The following ZNF124 variants were observed in gnomAD, a reference collection of about 807,000 sequenced individuals.
ZNF124 encodes the protein zinc finger protein HZF-16.
ZNF124 carries 25 observed loss-of-function variants against 26.6 expected under a neutral mutation model. The observed-to-expected ratio is 0.94, with a 90% CI of 0.68 to 1.31. The LOEUF is 1.31. ZNF124 is among the 40% of genes most tolerant of loss of function. The probability of loss-of-function intolerance (pLI) is 0.00; values close to 1 mark genes in which losing one functional copy is unlikely to be tolerated. For synonymous variants in ZNF124, 129 were observed against 133.3 expected (o/e 0.97, Z 0.22); for missense variants, 444 against 422.2 (o/e 1.05, Z -0.45).
chr1:247,123,152 G>A (rs1214630408), exon 4 of ZNF124: 2 of 151,932 alleles, frequency 1.3e-5, no homozygotes, highest in East Asian at 3.8e-4. Context: ...ATCATGGGCT[G>A]CTACCTCTTC....
At position 247,168,478 on chromosome 1, in the gene ZNF124, G is replaced by T. The variant is rs988917969; in HGVS notation, c.30+3370C>A. On this transcript the variant is annotated intron_variant, in intron 1 of 3. Transcript: ENST00000543802. This position sits in a 1 kb window ranked among gnomAD's most constrained non-coding sequence, Gnocchi z 4.0. ...AACCCAGGCGACGGAAGGTTGTAGT[G>T]AGCCAAGATCGTGCCACTGCACTAC... Among the ~76,000 whole-genome samples, 9 of 152,368 alleles carry T rather than the reference G, an allele frequency of 5.9e-5. No individual in the cohort carries two copies. The highest frequency in any genetic ancestry group is 2.2e-4 in the African/African-American group (9 of 41,594).
rs376996999 is a variant in ZNF124, at chr1:247,147,788, T to A, written c.218+11218A>T. The stretch of plus-strand genomic sequence containing the variant: ...AGACTGGAATAATCCCCTCCGGCAC[T>A]TAGGGGACAGGGAAGCACAAACACA... On this transcript the variant is annotated intron_variant, in intron 3 of 3. Coordinates refer to the ZNF124 transcript ENST00000472531. 9.9e-5 allele frequency among the ~76,000 whole-genome samples: 15 copies of A among 152,156 alleles called. No homozygotes were observed. The East Asian group carries it at 2.5e-3, about 25-fold the overall frequency.
rs56926662 is a variant in ZNF124 at position 247,137,487 on chromosome 1, CAA to C, written c.219-13618_219-13617del. 8.3e-3 allele frequency among the ~76,000 whole-genome samples: 678 copies of C among 81,572 alleles called. 3 individuals carry two copies. Among genetic ancestry groups the C allele is most frequent in the African/African-American group, 0.027 (607 of 22,582 alleles). The allele number at this position is 81,572 out of a possible 152,430, so 53.5% of individuals were successfully genotyped here. A position where few individuals can be genotyped will look rare whatever the true frequency, so the allele number is the denominator to read the frequency against. ...CGAAACCCTGTCTCTACTAAAAATA[CAA>C]AAAAAAAAAAAAAAAAAAAAAGAAA... On this transcript the variant is annotated intron_variant, in intron 3 of 3. Transcript: ENST00000472531.
chr1:247,146,365 T>A (rs186371596), intron 3 of ZNF124, among the ~76,000 whole-genome samples: 214 of 152,360 alleles, frequency 1.4e-3, no homozygotes, highest in African/African-American at 5.1e-3. Context: ...TAACAAGTAG[T>A]CTTTTGAGGT....
At chr1:247,172,215 G>A (rs1674117336), upstream of ZNF124, 1 of 147,872 alleles carries the variant, frequency 6.8e-6, no homozygotes, top group Non-Finnish European at 1.5e-5. Context: ...CTCTGGGTTG[G>A]GACCCAGCCT....
Position 247,140,309 on chromosome 1 carries a change from AGT to A in ZNF124, c.219-16440_219-16439del, listed in dbSNP as rs1309163644. Among the ~76,000 whole-genome samples the A allele has an allele frequency of 3.3e-5, 5 of 152,302 alleles. No individual in the cohort carries two copies. The East Asian group carries it at 9.6e-4, about 29-fold the overall frequency. On this transcript the variant is annotated intron_variant, in intron 3 of 3. Coordinates refer to the ZNF124 transcript ENST00000472531. ...TGTGACTGCATTATGAAATTCTTGT[AGT>A]GTGTTTTTCTGCTCTGTCAGAACCA...
chr1:247,160,148 G>A (rs574375814), intron 1 of ZNF124, among the ~76,000 whole-genome samples: 16 of 152,212 alleles, frequency 1.1e-4, no homozygotes, highest in South Asian at 1.0e-3. Context: ...ACCACGCCCA[G>A]CTAATTTTTG....
intron 1 of ZNF124, among the ~76,000 whole-genome samples, chr1:247,165,841 G>A (rs367663465): frequency 6.6e-6 from 1 of 152,042 alleles, no homozygotes; most frequent in Admixed American, 6.6e-5. Flanking sequence ...TTAAAACCAC[G>A]ATGAGATACC....
At chr1:247,154,117 G>GACAC (rs67344627), downstream of ZNF124, among the ~76,000 whole-genome samples, 6 of 149,480 alleles carry the variant, frequency 4.0e-5, no homozygotes, top group African/African-American at 1.5e-4. Context: ...GCATATGTGT[G>GACAC]ACACACACAC....
chr1:247,156,802 C>T lies in ZNF124; in HGVS notation c.820G>A (p.Ala274Thr), dbSNP rs139164874. The T allele has an allele frequency of 3.7e-4, 592 of 1,613,918 alleles. No homozygotes were observed. Among genetic ancestry groups the T allele is most frequent in the East Asian group, 1.1e-3 (48 of 44,862 alleles). Reference sequence around the variant, plus strand: ...TTCTCGTGTTTCTGAAGGGAACTGGCGTATCTGAAGGCTTTCCCACATTGC... The same window carrying T: ...TTCTCGTGTTTCTGAAGGGAACTGGTGTATCTGAAGGCTTTCCCACATTGC... ...CKQCGKAFRY[A>T]SSLQKHEKTH... Residue 274 changes from alanine (A) to threonine (T), a missense_variant, in exon 4 of 4, where the codon GCC becomes ACC. Transcript: ENST00000543802.
intron 1 of ZNF124, among the ~76,000 whole-genome samples, chr1:247,160,077 G>A (rs916459094): frequency 3.5e-5 from 5 of 142,304 alleles, no homozygotes; most frequent in East Asian, 2.1e-4. Flanking sequence ...TCTTCGCCTC[G>A]CAGGCTCAAG....
At chr1:247,123,950 G>A in intron 3 of ZNF124, 1 of 700,324 alleles carries the variant, frequency 1.4e-6, no homozygotes, top group Non-Finnish European at 2.6e-6. Flanking sequence ...CCTTTGTGAT[G>A]TGCTTTTAGC....
At chr1:247,159,322 G>C (rs1405522994) in intron 2 of ZNF124, among the ~76,000 whole-genome samples, 1 of 152,152 alleles carries the variant, frequency 6.6e-6, no homozygotes, top group Non-Finnish European at 1.5e-5. Context: ...TGTTATAAAA[G>C]CAAGTTTAGC....
Position 247,157,126 on chromosome 1 carries a change from T to G in ZNF124, c.496A>C (p.Asn166His), listed in dbSNP as rs769348775. Residue 166 changes from asparagine (N) to histidine (H), a missense_variant, in exon 4 of 4, where the codon AAT becomes CAT. Physicochemically the swap from Asn to His is moderately conservative, Grantham distance 68. Coordinates refer to ENST00000543802, the MANE Select transcript of ZNF124 (RefSeq NM_001297568.2). ...GKALGFSRSL[N>H]RHKRIHTGEK... The stretch of plus-strand genomic sequence containing the variant: ...CCAGTGTGAATCCTTTTATGTCTAT[T>G]AAGAGAACGGGAAAAACCTAAGGCT... 2.1e-5 allele frequency: 34 copies of G among 1,613,736 alleles called. No homozygotes were observed. In the South Asian group the frequency reaches 3.3e-4, roughly 16 times the overall value.
At chr1:247,138,756 A>C in intron 3 of ZNF124, 2 of 398,616 alleles carry the variant, frequency 5.0e-6, no homozygotes, top group Non-Finnish European at 8.8e-6. Context: ...GAACCAGTAC[A>C]TCTGTAGGAA....
chr1:247,138,382 C>T (rs1382431022), intron 3 of ZNF124: 1 of 176,266 alleles, frequency 5.7e-6, no homozygotes, highest in Admixed American at 6.4e-5. Flanking sequence ...AAACTAAACA[C>T]TGCACGTTCT....
chr1:247,147,602 G>A (rs971339429), intron 3 of ZNF124, among the ~76,000 whole-genome samples: 3 of 152,090 alleles, frequency 2.0e-5, no homozygotes, highest in African/African-American at 7.2e-5. Context: ...TTCTAGACAG[G>A]AGCACTGAGA....
In ZNF124 at chr1:247,139,411, C is replaced by T. The variant is rs116694385; in HGVS notation, c.219-15540G>A. ...TGATCCTAGGTCACTGCATGGGTCT[C>T]TTGAAGGCAACATACCATCAGGTCT... On this transcript the variant is annotated intron_variant, in intron 3 of 3. Coordinates refer to the ZNF124 transcript ENST00000472531. Among the ~76,000 whole-genome samples, 1,155 of 152,294 alleles carry T rather than the reference C, an allele frequency of 7.6e-3. 18 individuals are homozygous for T. Among genetic ancestry groups the T allele is most frequent in the African/African-American group, 0.025 (1,052 of 41,554 alleles).
At chr1:247,125,872 TA>T (rs1672206069) in intron 3 of ZNF124, among the ~76,000 whole-genome samples, 1 of 152,178 alleles carries the variant, frequency 6.6e-6, no homozygotes, top group African/African-American at 2.4e-5. Flanking sequence ...TTAGTCCAAG[TA>T]AAATAATCCA....
Sources: allele counts gnomAD v4.1 joint callset (sites outside exome capture counted in the v4.1 genomes callset), GRCh38; gene constraint gnomAD v4.1.1; non-coding constraint Gnocchi (gnomAD v3.1); transcripts MANE v1.5; gene names NCBI Gene and HGNC (gene_info 2026-07-23, HGNC 2026-07-21).